The following SLC12A5 variants were observed in gnomAD, a reference collection of about 807,000 sequenced individuals.
SLC12A5 encodes K-Cl cotransporter 2.
A neutral mutation model predicts 124.0 loss-of-function variants in SLC12A5; 18 were observed. The ratio of observed to expected loss-of-function variants is 0.15; its 90% CI spans 0.10 to 0.22. The LOEUF (loss-of-function observed/expected upper bound fraction) is 0.22. Among genes scored for constraint, SLC12A5 ranks in the 10% least tolerant of loss-of-function variants. The pLI, the probability that SLC12A5 is intolerant of heterozygous loss-of-function variation, is 1.00. For synonymous variants in SLC12A5, 589 were observed against 568.0 expected, an observed-to-expected ratio of 1.04 and a Z score of -0.53; for missense variants, 867 against 1,478.7, an observed-to-expected ratio of 0.59 and a Z score of 6.78.
chr20:46,049,575 G>C, intron 16 of SLC12A5, 47 bp from the exon 17 acceptor site: 2 of 1,564,756 alleles, frequency 1.3e-6, no homozygotes, highest in Non-Finnish European at 1.7e-6. Flanking sequence ...GTGTGTGGAT[G>C]GTTGGTTACA....
Position 46,048,063 on chromosome 20 carries a change from C to T in SLC12A5, c.1990C>T (p.Pro664Ser). 6.2e-7 allele frequency: 1 copy of T among 1,612,070 alleles called. No individual in the cohort carries two copies. The highest frequency in any genetic ancestry group is 8.5e-7 in the Non-Finnish European group (1 of 1,179,072). Residue 664 changes from proline to serine, a missense_variant, in exon 16 of 26, where the codon CCC becomes TCC. Transcript: ENST00000243964. ...TGCCCTCTTACGCCTGGAGGAAGGG[C>T]CCCCACACACCAAGAACTGGAGGTT... ...RYALLRLEEG[P>S]PHTKNWRPQL...
chr20:46,052,489 C>T (rs1382654769), intron 18 of SLC12A5, among the ~76,000 whole-genome samples: 1 of 152,232 alleles, frequency 6.6e-6, no homozygotes, highest in Non-Finnish European at 1.5e-5. Context: ...CGCTTGCGCT[C>T]AGGAGTTTGA....
intron 17 of SLC12A5, 88 bp downstream of exon 17, chr20:46,049,878 C>A (rs559362703): frequency 2.4e-5 from 33 of 1,401,648 alleles, no homozygotes; most frequent in Non-Finnish European, 2.9e-5. Flanking sequence ...TTCCTCATCA[C>A]CTTCAGGATC....
At chr20:46,025,761 C>T (rs1357737742), upstream of SLC12A5, among the ~76,000 whole-genome samples, 3 of 152,132 alleles carry the variant, frequency 2.0e-5, no homozygotes, top group Non-Finnish European at 4.4e-5. Flanking sequence ...GCGCTGGACT[C>T]ATCAATTCAC....
chr20:46,035,935 C>A lies in SLC12A5; in HGVS notation c.426+12C>A. ...TCTGCTGCTCCTGTGTGAGTGACAC[C>A]CCTCCCCTCACCACCCCCTGACAGC... On this transcript the variant is annotated intron_variant, in intron 4 of 25. Transcript: ENST00000243964. 1 of 1,599,874 alleles carries A rather than the reference C, an allele frequency of 6.3e-7. No individual in the cohort carries two copies. The highest frequency in any genetic ancestry group is 8.6e-7 in the Non-Finnish European group (1 of 1,169,290).
Position 46,056,776 on chromosome 20 carries a change from T to C in SLC12A5, c.3111-121T>C, listed in dbSNP as rs1032490920. On this transcript the variant is annotated intron_variant, in intron 23 of 25. Transcript: ENST00000243964. This position sits in a 1 kb window ranked among gnomAD's most constrained non-coding sequence, Gnocchi z 4.3. ...TTGCAGGCAGCGGAAAGGTGAAGGG[T>C]GTGGGGGCTGGCAGAGCAGGACTCA... 1 of 1,230,180 alleles carries C rather than the reference T, an allele frequency of 8.1e-7. No homozygotes were observed. Among genetic ancestry groups the C allele is most frequent in the African/African-American group, 1.5e-5 (1 of 67,342 alleles). The allele number at this position is 1,230,180 out of a possible 1,614,324, so 76.2% of individuals were successfully genotyped here. A position where few individuals can be genotyped will look rare whatever the true frequency, so the allele number is the denominator to read the frequency against.
At chr20:46,044,845 C>A in intron 11 of SLC12A5, 121 bp from the exon 12 acceptor site, 1 of 1,069,944 alleles carries the variant, frequency 9.3e-7, no homozygotes, top group Non-Finnish European at 1.4e-6. Context: ...CCTCCCCTGT[C>A]ACCCTTACAG....
At position 46,052,937 on chromosome 20, in the gene SLC12A5, C is replaced by G. The variant is rs377253900; in HGVS notation, c.2378-20C>G. 7 of 1,594,546 alleles carry G rather than the reference C, an allele frequency of 4.4e-6. No homozygotes were observed. In the Admixed American group the frequency reaches 8.5e-5, roughly 19 times the overall value. The stretch of plus-strand genomic sequence containing the variant: ...AGAGTCACTGTTTCCCCCTCTGGCC[C>G]TCTCCTTGGCCTCCCTCAGAGCTGG... On this transcript the variant is annotated intron_variant, in intron 18 of 25. Transcript: ENST00000243964.
chr20:46,041,074 A>G lies in SLC12A5; in HGVS notation c.855-255A>G, dbSNP rs140490035. 1.8e-3 allele frequency: 801 copies of G among 438,486 alleles called. 7 individuals carry two copies. The highest frequency in any genetic ancestry group is 0.015 in the African/African-American group (737 of 49,680). 27.2% of individuals were successfully genotyped at this position (438,486 alleles called of 1,614,324 possible). ...TCAGAGGTGGAGGGCGGCCCCCGAG[A>G]CCGCTGTCCACGGTGCTGAAACACA... On this transcript the variant is annotated intron_variant, in intron 7 of 25. Coordinates refer to ENST00000243964, the MANE Select transcript of SLC12A5 (RefSeq NM_020708.5).
chr20:46,044,875 C>A, intron 11 of SLC12A5, 91 bp from the exon 12 acceptor site: 1 of 1,426,418 alleles, frequency 7.0e-7, no homozygotes, highest in South Asian at 1.2e-5. Flanking sequence ...CTGTGGCAGG[C>A]ACACAGTTGG....
At chr20:46,036,240 T>C (rs1600591553) in intron 4 of SLC12A5, 4 of 302,370 alleles carry the variant, frequency 1.3e-5, no homozygotes. Context: ...TTTTGGCAGG[T>C]CCAGACTCAC....
At chr20:46,026,459 C>T (rs779081664), upstream of SLC12A5, among the ~76,000 whole-genome samples, 13 of 152,148 alleles carry the variant, frequency 8.5e-5, no homozygotes, top group Admixed American at 1.3e-4. Flanking sequence ...GGGTGCCTGC[C>T]ATGTGTTTTC....
chr20:46,042,632 C>T (rs544354834), intron 8 of SLC12A5, among the ~76,000 whole-genome samples: 9 of 152,070 alleles, frequency 5.9e-5, no homozygotes, highest in East Asian at 1.9e-4. Flanking sequence ...ATTATCTGGC[C>T]GGGAGTGTCA....
chr20:46,024,140 G>A (rs2084377724), downstream of SLC12A5, among the ~76,000 whole-genome samples: 1 of 124,150 alleles, frequency 8.1e-6, no homozygotes, highest in Admixed American at 8.5e-5. Flanking sequence ...TGTGGCAGAG[G>A]CTGTGTGTGT....
chr20:46,041,550 G>A lies in SLC12A5; in HGVS notation c.1066+10G>A. ...AGTGGCCTCATCAAAGGTCTGCGGA[G>A]GGACAAGGGCTGGCATCCAGGGAAC... On this transcript the variant is annotated intron_variant, in intron 8 of 25. Coordinates refer to ENST00000243964, the MANE Select transcript of SLC12A5 (RefSeq NM_020708.5). 6.2e-7 allele frequency: 1 copy of A among 1,613,320 alleles called. No individual in the cohort carries two copies. The highest frequency in any genetic ancestry group is 8.5e-7 in the Non-Finnish European group (1 of 1,179,836).
rs552461518 is a variant in SLC12A5, at chr20:46,058,666, C to T, written c.*1061C>T. 7.5e-6 allele frequency: 3 copies of T among 399,074 alleles called. No individual in the cohort carries two copies. The highest frequency in any genetic ancestry group is 7.1e-5 in the East Asian group (2 of 28,058). 24.7% of individuals were successfully genotyped at this position (399,074 alleles called of 1,614,324 possible). A position where few individuals can be genotyped will look rare whatever the true frequency, so the allele number is the denominator to read the frequency against. ...GTCGCCTGCTCCCCGTATCCCATGGCTCCTCGCCAAAGACTGAAATTGTGG... is the reference window on the plus strand; with the variant it reads ...GTCGCCTGCTCCCCGTATCCCATGGTTCCTCGCCAAAGACTGAAATTGTGG... On this transcript the variant is annotated 3_prime_UTR_variant, in exon 26 of 26. Transcript: ENST00000243964. The surrounding 1 kb of genome is among the most constrained non-coding windows in gnomAD (Gnocchi z 5.8).
At chr20:46,054,502 C>G (rs939002897) in intron 20 of SLC12A5, among the ~76,000 whole-genome samples, 1 of 152,202 alleles carries the variant, frequency 6.6e-6, no homozygotes, top group Non-Finnish European at 1.5e-5. Context: ...CCACCCATCC[C>G]TCTGTGTTTT....
chr20:46,057,186 C>T lies in SLC12A5; in HGVS notation c.3142C>T (p.Arg1048Trp), dbSNP rs369042030. The T allele has an allele frequency of 1.4e-5, 23 of 1,614,052 alleles. No individual in the cohort carries two copies. Among genetic ancestry groups the T allele is most frequent in the Non-Finnish European group, 1.9e-5 (23 of 1,180,042 alleles). Residue 1048 changes from arginine (R) to tryptophan (W), a missense_variant, in exon 25 of 26, where the codon CGG (arginine) becomes TGG (tryptophan). By Grantham distance (101) the Arg-to-Trp change is moderately radical. Coordinates refer to ENST00000243964, the MANE Select transcript of SLC12A5 (RefSeq NM_020708.5). The surrounding 1 kb of genome is among the most constrained non-coding windows in gnomAD (Gnocchi z 7.1). ...EWENLNQSNV[R>W]RMHTAVRLNE... ...CTGCCGCAGGAACCAGTCCAACGTG[C>T]GGCGCATGCACACGGCCGTGCGGCT...
upstream of SLC12A5, among the ~76,000 whole-genome samples, chr20:46,027,429 T>C (rs182925888): frequency 8.9e-4 from 136 of 152,336 alleles, no homozygotes; most frequent in African/African-American, 3.0e-3. Context: ...CAAGTAAAGC[T>C]GAGCCCTGGA....
Sources: gnomAD v4.1 joint callset for allele counts (sites outside exome capture counted in the v4.1 genomes callset) on GRCh38, gnomAD v4.1.1 for gene constraint, Gnocchi (gnomAD v3.1) non-coding constraint, MANE v1.5 for transcripts, NCBI Gene and HGNC (gene_info 2026-07-23, HGNC 2026-07-21) for gene names.